DLG2: variants seen among roughly 807,000 people sequenced by gnomAD.
The protein encoded by DLG2 is discs large MAGUK scaffold protein 2.
Under a neutral mutation model 132.5 loss-of-function variants are expected in DLG2, and 45 were observed. The ratio of observed to expected loss-of-function variants is 0.34; its 90% CI spans 0.27 to 0.44. The LOEUF is 0.44. Ranked by LOEUF, DLG2 falls within the 20% of genes least tolerant of loss-of-function variation. DLG2 has a pLI of 1.00. For synonymous variants in DLG2, 424 were observed against 419.6 expected (o/e 1.01, Z -0.13); for missense variants, 1,045 against 1,196.9 (o/e 0.87, Z 1.87).
chr11:84,236,356 G>T (rs781252864), intron 8 of DLG2, among the ~76,000 whole-genome samples: 1 of 152,202 alleles, frequency 6.6e-6, no homozygotes, highest in Non-Finnish European at 1.5e-5. Flanking sequence ...GTGGACTTGG[G>T]CAGGGTTTTG....
At position 84,182,831 on chromosome 11, in the gene DLG2, A is replaced by G. The variant is rs973408131; in HGVS notation, c.574-19320T>C. Among the ~76,000 whole-genome samples, 6 of 152,008 alleles carry G rather than the reference A, an allele frequency of 3.9e-5. No homozygotes were observed. In the South Asian group the frequency reaches 6.2e-4, roughly 16 times the overall value. On this transcript the variant is annotated intron_variant, in intron 8 of 27. Coordinates refer to ENST00000376104, the MANE Select transcript of DLG2 (RefSeq NM_001142699.3). ...TGGCTATTTTTTGAAAAGATCAGTA[A>G]AATTGATAAGCCTCTAGCTAGGCTA...
At chr11:84,664,558 G>A (rs1446712073) in intron 6 of DLG2, among the ~76,000 whole-genome samples, 1 of 151,966 alleles carries the variant, frequency 6.6e-6, no homozygotes, top group Admixed American at 6.6e-5. Context: ...GTAACATGTG[G>A]CAAAAGCCCC....
At chr11:84,635,650 A>C (rs1594457505) in intron 6 of DLG2, among the ~76,000 whole-genome samples, 1 of 152,324 alleles carries the variant, frequency 6.6e-6, no homozygotes, top group East Asian at 1.9e-4. Context: ...TACAAAAAAC[A>C]AAGCACCTAT....
intron 2 of DLG2, among the ~76,000 whole-genome samples, chr11:85,601,971 G>A (rs557435789): frequency 6.6e-6 from 1 of 152,250 alleles, no homozygotes; most frequent in South Asian, 2.1e-4. Context: ...ACTTCCGAAT[G>A]TATATCTGTA....
At chr11:84,954,376 C>T (rs563365289) in intron 6 of DLG2, among the ~76,000 whole-genome samples, 9 of 150,464 alleles carry the variant, frequency 6.0e-5, no homozygotes, top group South Asian at 4.2e-4. Context: ...ACCCTCACGT[C>T]GACATTAAAG....
chr11:84,134,617 T>A (rs1377303099), intron 9 of DLG2, among the ~76,000 whole-genome samples: 1 of 152,008 alleles, frequency 6.6e-6, no homozygotes, highest in African/African-American at 2.4e-5. Context: ...ACCAAAGATT[T>A]GAAGGTCTCT....
At chr11:85,499,928 G>A (rs545059058) in intron 3 of DLG2, among the ~76,000 whole-genome samples, 103 of 152,110 alleles carry the variant, frequency 6.8e-4, no homozygotes, top group Middle Eastern at 3.4e-3. Context: ...AATAAACTAG[G>A]TATCAATGGA....
chr11:84,316,557 T>G (rs1390335515), intron 7 of DLG2, among the ~76,000 whole-genome samples: 1 of 152,066 alleles, frequency 6.6e-6, no homozygotes, highest in Non-Finnish European at 1.5e-5. Flanking sequence ...GCTAAAAGAC[T>G]ATGATAAAAA....
chr11:85,261,603 T>C (rs968689501), intron 4 of DLG2, among the ~76,000 whole-genome samples: 4 of 152,000 alleles, frequency 2.6e-5, no homozygotes, highest in Non-Finnish European at 5.9e-5. Context: ...AGGGGGAGGA[T>C]ATCAAGGTAA....
chr11:84,114,944 A>G (rs2093560867), intron 9 of DLG2, among the ~76,000 whole-genome samples: 1 of 151,710 alleles, frequency 6.6e-6, no homozygotes, highest in Non-Finnish European at 1.5e-5. Flanking sequence ...TACTGGAATT[A>G]CAGGAGTGAG....
chr11:85,221,050 T>C (rs60284674), intron 4 of DLG2, among the ~76,000 whole-genome samples: 1 of 151,474 alleles, frequency 6.6e-6, no homozygotes, highest in Non-Finnish European at 1.5e-5. Flanking sequence ...AACTTTCTTT[T>C]TTTTTTTTTT....
intron 4 of DLG2, among the ~76,000 whole-genome samples, chr11:85,242,555 T>A (rs1245276473): frequency 1.3e-5 from 2 of 151,790 alleles, no homozygotes; most frequent in Non-Finnish European, 2.9e-5. Flanking sequence ...CTATTCTCTA[T>A]CTCTTTTCTG....
intron 6 of DLG2, among the ~76,000 whole-genome samples, chr11:85,109,869 G>A (rs1269069960): frequency 6.6e-6 from 1 of 152,046 alleles, no homozygotes; most frequent in African/African-American, 2.4e-5. Context: ...TGATGAAGAG[G>A]AGAAATAGAA....
intron 6 of DLG2, among the ~76,000 whole-genome samples, chr11:84,717,495 T>C (rs997327712): frequency 3.9e-5 from 6 of 152,006 alleles, no homozygotes; most frequent in Non-Finnish European, 7.4e-5. Context: ...GTAGAATTTC[T>C]AGTGTGGTCA....
intron 17 of DLG2, among the ~76,000 whole-genome samples, chr11:83,802,868 A>G (rs1050858064): frequency 2.6e-5 from 4 of 152,184 alleles, no homozygotes; most frequent in African/African-American, 9.6e-5. Flanking sequence ...CAGAGGCTTT[A>G]AGGGGCTATG....
chr11:83,976,507 G>A (rs1289786341), intron 12 of DLG2, among the ~76,000 whole-genome samples: 2 of 151,918 alleles, frequency 1.3e-5, no homozygotes, highest in African/African-American at 4.8e-5. Context: ...GTAAAGAGAA[G>A]AGGAGGTAGA....
chr11:85,385,364 T>A (rs112051519), intron 3 of DLG2, among the ~76,000 whole-genome samples: 1 of 152,216 alleles, frequency 6.6e-6, no homozygotes, highest in Non-Finnish European at 1.5e-5. Flanking sequence ...AAGGAGCAGC[T>A]ATAGGTTTTT....
chr11:85,012,461 T>G (rs1244389347), intron 6 of DLG2, among the ~76,000 whole-genome samples: 1 of 151,718 alleles, frequency 6.6e-6, no homozygotes, highest in Non-Finnish European at 1.5e-5. Context: ...GAGGTAGAGG[T>G]TGCAGTGAGC....
chr11:83,945,752 G>A (rs2083678526), intron 14 of DLG2, among the ~76,000 whole-genome samples: 1 of 151,108 alleles, frequency 6.6e-6, no homozygotes, highest in Admixed American at 6.6e-5. Flanking sequence ...TAGTCTCAGT[G>A]GTTTAGGGTC....
Sources: allele counts gnomAD v4.1 joint callset (sites outside exome capture counted in the v4.1 genomes callset), GRCh38; gene constraint gnomAD v4.1.1; transcripts MANE v1.5; gene names NCBI Gene and HGNC (gene_info 2026-07-23, HGNC 2026-07-21).